Variants in EEA1 observed in about 807,000 individuals in gnomAD.
EEA1 encodes early endosome antigen 1, also known as early endosome antigen 1, 162kD.
Under a neutral mutation model 209.2 loss-of-function variants are expected in EEA1, and 111 were observed. That is an observed-to-expected ratio of 0.53 (90% CI 0.45 to 0.62). EEA1 has a LOEUF of 0.62. Among genes scored for constraint, EEA1 ranks in the 20% least tolerant of loss-of-function variants. The pLI is 0.00. For synonymous variants in EEA1, 536 were observed against 540.6 expected, an observed-to-expected ratio of 0.99 and a Z score of 0.12; for missense variants, 1,343 against 1,530.8, an observed-to-expected ratio of 0.88 and a Z score of 2.05.
chr12:92,777,020 A>G (rs1873685461), intron 27 of EEA1, 78 bp from the exon 28 acceptor site: 1 of 1,471,790 alleles, frequency 6.8e-7, no homozygotes, highest in East Asian at 2.3e-5. Flanking sequence ...ACTTGCTGCC[A>G]GAGTTCTATA....
intron 25 of EEA1, 22 bp from the exon 26 acceptor site, chr12:92,778,201 G>A (rs750921917): frequency 5.1e-6 from 8 of 1,581,718 alleles, no homozygotes; most frequent in East Asian, 4.5e-5. Flanking sequence ...GAAAAGTTGG[G>A]GGGAAATCTA....
rs761594446 is a variant in EEA1, at chr12:92,852,229, C to G, written c.588G>C (p.Leu196=). 1 of 1,600,514 alleles carries G rather than the reference C, an allele frequency of 6.2e-7. No homozygotes were observed. The highest frequency in any genetic ancestry group is 8.5e-7 in the Non-Finnish European group (1 of 1,173,944). Residue 196 remains leucine (L), a synonymous_variant, in exon 8 of 29, where the codon CTG becomes CTC. Coordinates refer to ENST00000322349, the MANE Select transcript of EEA1 (RefSeq NM_003566.4). The part of the protein sequence containing the change: ...REAAEQKVTR[L]TEELNKEATV... ...TTGCCTCTTTGTTTAATTCTTCTGT[C>G]AGACGTGTCACTTTTTGTTCAGCAG...
intron 9 of EEA1, among the ~76,000 whole-genome samples, chr12:92,845,335 T>G (rs1017716478): frequency 6.6e-6 from 1 of 152,180 alleles, no homozygotes; most frequent in Non-Finnish European, 1.5e-5. Flanking sequence ...TATGAATCAT[T>G]AATCTTTTAC....
intron 18 of EEA1, among the ~76,000 whole-genome samples, chr12:92,808,014 C>T (rs1262637440): frequency 6.6e-6 from 1 of 151,976 alleles, no homozygotes; most frequent in East Asian, 1.9e-4. Context: ...TATCATAAAG[C>T]TACATTAAAA....
intron 6 of EEA1, among the ~76,000 whole-genome samples, chr12:92,853,344 C>A (rs978457549): frequency 1.3e-5 from 2 of 152,058 alleles, no homozygotes; most frequent in Non-Finnish European, 2.9e-5. Context: ...AAGGAATACA[C>A]CCCTTATCTT....
At chr12:92,845,150 G>A (rs1877336726) in intron 9 of EEA1, among the ~76,000 whole-genome samples, 1 of 151,970 alleles carries the variant, frequency 6.6e-6, no homozygotes, top group Admixed American at 6.6e-5. Context: ...TGGATATTGT[G>A]AAAACTAAAA....
intron 20 of EEA1, among the ~76,000 whole-genome samples, chr12:92,800,047 G>C (rs1874837041): frequency 6.6e-6 from 1 of 151,564 alleles, no homozygotes; most frequent in African/African-American, 2.4e-5. Context: ...ACATGGTGAA[G>C]CCTGTCTCTA....
Position 92,816,361 on chromosome 12 carries a change from T to G in EEA1, c.1768A>C (p.Ser590Arg), listed in dbSNP as rs143053415. Residue 590 changes from serine to arginine, a missense_variant, in exon 15 of 29, where the codon AGT (serine) becomes CGT (arginine). Ser to Arg is a moderately radical substitution (Grantham distance 110). Coordinates refer to ENST00000322349, the MANE Select transcript of EEA1 (RefSeq NM_003566.4). ...LTEKLKNQSE[S>R]HKQAQENLHD... ...AAATTCTCCTGGGCTTGTTTATGAC[T>G]TTCTGACTGATTCTTCAGCTTCTCT... 1.4e-5 allele frequency: 23 copies of G among 1,613,838 alleles called. No homozygotes were observed. Among genetic ancestry groups the G allele is most frequent in the African/African-American group, 6.7e-5 (5 of 74,922 alleles).
chr12:92,890,403 T>G (rs1879613105), intron 2 of EEA1, among the ~76,000 whole-genome samples: 1 of 152,136 alleles, frequency 6.6e-6, no homozygotes, highest in Non-Finnish European at 1.5e-5. Context: ...TATGATAAAA[T>G]AAGAACATTT....
intron 5 of EEA1, among the ~76,000 whole-genome samples, chr12:92,856,946 A>T (rs1370364119): frequency 2.6e-5 from 4 of 151,384 alleles, no homozygotes; most frequent in Non-Finnish European, 4.4e-5. Flanking sequence ...TAATTTTTAA[A>T]TTTTTTGTAG....
Position 92,843,634 on chromosome 12 carries a change from G to A in EEA1, c.799-1053C>T, listed in dbSNP as rs1323328929. Among the ~76,000 whole-genome samples, 12 of 151,982 alleles carry A rather than the reference G, an allele frequency of 7.9e-5. 1 individual carries two copies. The highest frequency in any genetic ancestry group is 4.6e-4 in the Admixed American group (7 of 15,270). On this transcript the variant is annotated intron_variant, in intron 9 of 28. Transcript: ENST00000322349. ...TATTTTTTTTTAAGTATGGTCTGCT[G>A]CAAATGACATTGACAAAATAACTTT...
In EEA1 at chr12:92,779,192, G is replaced by C. The variant is rs1471363173; in HGVS notation, c.3577C>G (p.Gln1193Glu). The change falls in exon 25 of 29, where the codon CAG becomes GAG. Residue 1193 changes from glutamine (Q) to glutamate (E), a missense_variant. Gln to Glu is a conservative substitution (Grantham distance 29). Coordinates refer to ENST00000322349, the MANE Select transcript of EEA1 (RefSeq NM_003566.4). ...TTCACCTGGTCTTTTAGTATCTGCTGATTTCTCTTCTCCTGTTCAACAGCT... is the reference window on the plus strand; with the variant it reads ...TTCACCTGGTCTTTTAGTATCTGCTCATTTCTCTTCTCCTGTTCAACAGCT... The part of the protein sequence containing the change: ...KAAVEQEKRN[Q>E]QILKDQVKKE... 6.2e-7 allele frequency: 1 copy of C among 1,611,492 alleles called. No individual in the cohort carries two copies. The highest frequency in any genetic ancestry group is 8.5e-7 in the Non-Finnish European group (1 of 1,179,236).
intron 1 of EEA1, among the ~76,000 whole-genome samples, chr12:92,902,936 CTTT>C (rs35352937): frequency 3.7e-5 from 5 of 136,572 alleles, no homozygotes; most frequent in Admixed American, 1.5e-4. Flanking sequence ...GTTCAACAGT[CTTT>C]TTTTTTTTTT....
intron 21 of EEA1, among the ~76,000 whole-genome samples, chr12:92,788,758 C>A (rs1245424211): frequency 6.6e-6 from 1 of 152,172 alleles, no homozygotes; most frequent in African/African-American, 2.4e-5. Flanking sequence ...TTATCCTTGT[C>A]AATGTCTTAC....
At chr12:92,923,645 G>A (rs1381826367) in intron 1 of EEA1, among the ~76,000 whole-genome samples, 1 of 151,100 alleles carries the variant, frequency 6.6e-6, no homozygotes, top group Non-Finnish European at 1.5e-5. Context: ...TTTTTCTTTT[G>A]TGCTTACAAA....
At chr12:92,897,701 T>C (rs1261278545) in intron 1 of EEA1, among the ~76,000 whole-genome samples, 3 of 151,882 alleles carry the variant, frequency 2.0e-5, no homozygotes, top group African/African-American at 7.3e-5. Flanking sequence ...CCTCTACCAG[T>C]GACAATAGGA....
chr12:92,794,650 A>C (rs1237324132), intron 21 of EEA1, among the ~76,000 whole-genome samples: 1 of 149,478 alleles, frequency 6.7e-6, no homozygotes, highest in East Asian at 2.0e-4. Context: ...CACACACCGC[A>C]TGTTCCCACT....
chr12:92,864,999 G>A lies in EEA1; in HGVS notation c.118-12C>T, dbSNP rs747032539. 30 of 1,566,290 alleles carry A rather than the reference G, an allele frequency of 1.9e-5. No individual in the cohort carries two copies. In the South Asian group the frequency reaches 3.2e-4, roughly 17 times the overall value. On this transcript the variant is annotated splice_polypyrimidine_tract_variant and intron_variant, in intron 2 of 28. Coordinates refer to ENST00000322349, the MANE Select transcript of EEA1 (RefSeq NM_003566.4). ...GGACATATGAAACCCTATAGAAAGGGGCAGAAAAAAGTTTCAAAATAGTAT... is the reference window on the plus strand; with the variant it reads ...GGACATATGAAACCCTATAGAAAGGAGCAGAAAAAAGTTTCAAAATAGTAT...
chr12:92,893,041 A>G (rs1879725393), intron 1 of EEA1, among the ~76,000 whole-genome samples: 1 of 152,146 alleles, frequency 6.6e-6, no homozygotes, highest in South Asian at 2.1e-4. Flanking sequence ...CAAACCAATC[A>G]TTACCATCCA....
Sources: allele counts gnomAD v4.1 joint callset (sites outside exome capture counted in the v4.1 genomes callset), GRCh38; gene constraint gnomAD v4.1.1; transcripts MANE v1.5; gene names NCBI Gene and HGNC (gene_info 2026-07-23, HGNC 2026-07-21).